KRT23: variants seen among roughly 807,000 people sequenced by gnomAD.
KRT23 encodes the protein keratin 23, also known as keratin, type I cytoskeletal 23.
In KRT23, 38 loss-of-function variants were observed where a neutral mutation model predicts 47.6. The observed-to-expected ratio is 0.80, with a 90% CI of 0.62 to 1.05. KRT23 has a LOEUF of 1.05. Among genes scored for constraint, KRT23 ranks in the 50% least tolerant of loss-of-function variants. The probability of loss-of-function intolerance (pLI) is 0.00; values close to 1 mark genes in which losing one functional copy is unlikely to be tolerated. For synonymous variants in KRT23, 191 were observed against 199.0 expected, an observed-to-expected ratio of 0.96 and a Z score of 0.34; for missense variants, 503 against 529.5, an observed-to-expected ratio of 0.95 and a Z score of 0.49.
At position 40,923,709 on chromosome 17, in the gene KRT23, C is replaced by G. The variant is rs77598442; in HGVS notation, c.1175-626G>C. 2.1e-3 allele frequency among the ~76,000 whole-genome samples: 316 copies of G among 152,288 alleles called. 2 individuals are homozygous for G. Among genetic ancestry groups the G allele is most frequent in the African/African-American group, 7.2e-3 (300 of 41,558 alleles). ...ATCCTAAGACATGTGTGAAGAGAGTCTCAAAGACCCTTGTCTTATTTTGTA... is the reference window on the plus strand; with the variant it reads ...ATCCTAAGACATGTGTGAAGAGAGTGTCAAAGACCCTTGTCTTATTTTGTA... On this transcript the variant is annotated intron_variant, in intron 8 of 8. Coordinates refer to ENST00000209718, the MANE Select transcript of KRT23 (RefSeq NM_015515.5).
chr17:40,929,453 C>T (rs530998668), intron 4 of KRT23, among the ~76,000 whole-genome samples: 55 of 152,326 alleles, frequency 3.6e-4, no homozygotes, highest in Admixed American at 1.5e-3. Flanking sequence ...AACTGTTTTT[C>T]TATCATTTTA....
chr17:40,925,317 C>T (rs780629918), intron 7 of KRT23, 37 bp downstream of exon 7: 2 of 1,549,666 alleles, frequency 1.3e-6, no homozygotes, highest in Admixed American at 3.3e-5. Context: ...AGCTGGAGGT[C>T]CCTCGCATGC....
At chr17:40,923,206 C>A (rs928944458) in intron 8 of KRT23, 123 bp from the exon 9 acceptor site, 5 of 695,608 alleles carry the variant, frequency 7.2e-6, no homozygotes, top group Non-Finnish European at 1.2e-5. Flanking sequence ...GATCACTAAG[C>A]AATGAGGTGG....
chr17:40,937,558 G>A lies in KRT23; in HGVS notation c.-563C>T, dbSNP rs1910182170. The stretch of plus-strand genomic sequence containing the variant: ...AACCTGCCATGGGCTGTCAAATGTG[G>A]TTGATGAATCTTATATTTCATCTGC... On this transcript the variant is annotated 5_prime_UTR_variant, in exon 1 of 9. Transcript: ENST00000209718. The A allele has an allele frequency of 6.6e-6, 1 of 152,236 alleles. No individual in the cohort carries two copies. The highest frequency in any genetic ancestry group is 2.4e-5 in the African/African-American group (1 of 41,458). The allele number at this position is 152,236 out of a possible 1,614,324, so 9.4% of individuals were successfully genotyped here.
In KRT23 at chr17:40,924,470, A is replaced by G; in HGVS notation, c.1174+2T>C. The G allele has an allele frequency of 6.2e-7, 1 of 1,612,264 alleles. No homozygotes were observed. Among genetic ancestry groups the G allele is most frequent in the Non-Finnish European group, 8.5e-7 (1 of 1,178,452 alleles). ...ATTCAAACAATGAAGGAAATTTTTT[A>G]CCTTTCATGCTCGACTTTGATTCTT... On this transcript the variant is annotated splice_donor_variant, in intron 8 of 8. Coordinates refer to ENST00000209718, the MANE Select transcript of KRT23 (RefSeq NM_015515.5). LOFTEE classifies it high-confidence loss of function.
chr17:40,928,402 C>CATGGAA (rs753483664), intron 5 of KRT23, 42 bp from the exon 6 acceptor site: 1 of 1,614,076 alleles, frequency 6.2e-7, no homozygotes, highest in Admixed American at 1.7e-5. Context: ...ATTGGGACCT[C>CATGGAA]ATGGAAATGC....
In KRT23 at chr17:40,936,455, C is replaced by A. The variant is rs148371500; in HGVS notation, c.149G>T (p.Arg50Leu). ...AGACCCTCCAGGGGGTGGGCAGCTC[C>A]GCGTGGTGAAGGACAGGGAGATGCG... ...GARISLSFTT[R>L]SCPPPGGSWG... The change falls in exon 2 of 9, where the codon CGG becomes CTG. Residue 50 changes from arginine (R) to leucine (L), a missense_variant. By Grantham distance (102) the Arg-to-Leu change is moderately radical. Coordinates refer to ENST00000209718, the MANE Select transcript of KRT23 (RefSeq NM_015515.5). The A allele has an allele frequency of 5.0e-5, 80 of 1,603,190 alleles. No homozygotes were observed. The highest frequency in any genetic ancestry group is 6.7e-5 in the Non-Finnish European group (79 of 1,173,782).
At chr17:40,929,561 T>C (rs1909499233) in intron 4 of KRT23, 1 of 176,436 alleles carries the variant, frequency 5.7e-6, no homozygotes, top group South Asian at 1.9e-4. Context: ...ATCACACTTA[T>C]CTTGGTTGGT....
intron 6 of KRT23, among the ~76,000 whole-genome samples, chr17:40,925,886 G>C (rs1027808318): frequency 6.6e-6 from 1 of 152,186 alleles, no homozygotes; most frequent in Non-Finnish European, 1.5e-5. Flanking sequence ...TGTATCTTCG[G>C]AGAAGGGTCT....
chr17:40,930,772 C>CAAATAAAT lies in KRT23; in HGVS notation c.479+593_479+600dup, dbSNP rs144851372. Among the ~76,000 whole-genome samples the CAAATAAAT allele has an allele frequency of 3.5e-3, 521 of 149,020 alleles. 11 individuals carry two copies. Among genetic ancestry groups the CAAATAAAT allele is most frequent in the Admixed American group, 0.022 (326 of 14,962 alleles). Reference sequence around the variant, plus strand: ...AGCAAGACTCCGTCTCAAAAATAAACAAATAAATAAATAAATAAATAAATA... The same window carrying CAAATAAAT: ...AGCAAGACTCCGTCTCAAAAATAAACAAATAAATAAATAAATAAATAAATAAATAAATA... On this transcript the variant is annotated intron_variant, in intron 3 of 8. Transcript: ENST00000209718.
intron 8 of KRT23, among the ~76,000 whole-genome samples, chr17:40,923,720 T>A (rs144752232): frequency 4.4e-4 from 67 of 152,312 alleles, no homozygotes; most frequent in African/African-American, 1.5e-3. Context: ...TCAAAGACCC[T>A]TGTCTTATTT....
chr17:40,931,404 C>T lies in KRT23; in HGVS notation c.448G>A (p.Ala150Thr), dbSNP rs1242519851. 4 of 1,613,572 alleles carry T rather than the reference C, an allele frequency of 2.5e-6. No homozygotes were observed. The highest frequency in any genetic ancestry group is 1.3e-5 in the African/African-American group (1 of 74,924). ...NAQIILLIDNARMAVDDFNLK... is the reference protein window; with the variant it reads ...NAQIILLIDNTRMAVDDFNLK... Reference sequence around the variant, plus strand: ...TTGAAGTCATCCACTGCCATCCTGGCATTGTCAATGAGAAGAATAATCTGA... The same window carrying T: ...TTGAAGTCATCCACTGCCATCCTGGTATTGTCAATGAGAAGAATAATCTGA... The change falls in exon 3 of 9, where the codon GCC becomes ACC. Residue 150 changes from alanine to threonine, a missense_variant. By Grantham distance (58) the Ala-to-Thr change is moderately conservative. Transcript: ENST00000209718.
intron 6 of KRT23, among the ~76,000 whole-genome samples, chr17:40,926,923 C>T (rs1909258798): frequency 6.6e-6 from 1 of 152,048 alleles, no homozygotes; most frequent in Non-Finnish European, 1.5e-5. Flanking sequence ...CTTTCTTCTT[C>T]CCTTCATTCA....
intron 4 of KRT23, 133 bp from the exon 5 acceptor site, chr17:40,928,740 G>T (rs551969851): frequency 1.3e-6 from 1 of 753,976 alleles, no homozygotes; most frequent in East Asian, 2.6e-5. Context: ...CACTGGTTTG[G>T]TTTCTCAAAT....
intron 2 of KRT23, 56 bp from the exon 3 acceptor site, chr17:40,931,511 T>A: frequency 8.0e-7 from 1 of 1,253,202 alleles, no homozygotes; most frequent in South Asian, 1.2e-5. Flanking sequence ...CACCCACACA[T>A]GACCGCTGCA....
Position 40,930,022 on chromosome 17 carries a change from A to G in KRT23, c.554T>C (p.Leu185Pro). The G allele has an allele frequency of 6.2e-7, 1 of 1,614,140 alleles. No individual in the cohort carries two copies. Among genetic ancestry groups the G allele is most frequent in the Non-Finnish European group, 8.5e-7 (1 of 1,179,960 alleles). ...TTCTAGGTCTGTTGTGACAATGGTC[A>G]GGTTGTCTAAGGTCCTTCGGAGGCC... Reference protein sequence around the residue: ...VEGLRRTLDNLTIVTTDLEQE... With the variant: ...VEGLRRTLDNPTIVTTDLEQE... The change falls in exon 4 of 9, where the codon CTG becomes CCG. Residue 185 changes from leucine to proline, a missense_variant. Physicochemically the swap from Leu to Pro is moderately conservative, Grantham distance 98. Coordinates refer to ENST00000209718, the MANE Select transcript of KRT23 (RefSeq NM_015515.5).
chr17:40,936,635 T>A lies in KRT23; in HGVS notation c.-32A>T. 6.7e-7 allele frequency: 1 copy of A among 1,490,476 alleles called. No individual in the cohort carries two copies. The highest frequency in any genetic ancestry group is 8.9e-7 in the Non-Finnish European group (1 of 1,122,362). The allele number at this position is 1,490,476 out of a possible 1,614,324, so 92.3% of individuals were successfully genotyped here. A position where few individuals can be genotyped will look rare whatever the true frequency, so the allele number is the denominator to read the frequency against. On this transcript the variant is annotated 5_prime_UTR_variant, in exon 2 of 9. Coordinates refer to ENST00000209718, the MANE Select transcript of KRT23 (RefSeq NM_015515.5). The stretch of plus-strand genomic sequence containing the variant: ...ATCTGTGTTTGGGACGGGGCTGAGC[T>A]CTGCTCCACTCCCTGGCACCGCAGA...
intron 7 of KRT23, among the ~76,000 whole-genome samples, 190 bp from the exon 8 acceptor site, chr17:40,924,693 ACCGCCT>A (rs1289683777): frequency 6.6e-6 from 1 of 152,128 alleles, no homozygotes; most frequent in African/African-American, 2.4e-5. Context: ...GGCATTGGGT[ACCGCCT>A]CCTGCTAACC....
intron 2 of KRT23, 68 bp from the exon 3 acceptor site, chr17:40,931,523 G>T: frequency 9.0e-7 from 1 of 1,116,114 alleles, no homozygotes; most frequent in Non-Finnish European, 1.4e-6. Flanking sequence ...ACCGCTGCAT[G>T]TCTGTCCTCT....
Sources: allele counts gnomAD v4.1 joint callset (sites outside exome capture counted in the v4.1 genomes callset), GRCh38; gene constraint gnomAD v4.1.1; transcripts MANE v1.5; gene names NCBI Gene and HGNC (gene_info 2026-07-23, HGNC 2026-07-21).